PRKDC: variants seen among roughly 807,000 people sequenced by gnomAD.
PRKDC encodes protein kinase, DNA-activated, catalytic subunit, also known as DNA-dependent protein kinase catalytic subunit.
A neutral mutation model predicts 486.9 loss-of-function variants in PRKDC; 82 were observed. The observed-to-expected ratio is 0.17, with a 90% CI of 0.14 to 0.20. The LOEUF (loss-of-function observed/expected upper bound fraction) is 0.20, where lower values mean the gene tolerates loss of function less well. Among genes scored for constraint, PRKDC ranks in the 10% least tolerant of loss-of-function variants. The pLI is 1.00. For missense variants in PRKDC, 4,504 were observed against 5,038.2 expected (o/e 0.89, Z 3.21); for synonymous variants, 1,895 against 1,837.0 (o/e 1.03, Z -0.81).
Position 47,828,068 on chromosome 8 carries a change from G to A in PRKDC, c.8577+100C>T, listed in dbSNP as rs915118399. The stretch of plus-strand genomic sequence containing the variant: ...TACATCTTACTCTGTTAAACACCAG[G>A]TTATCAAGAGTCTCAACACGGGAAA... On this transcript the variant is annotated intron_variant, in intron 62 of 85. Coordinates refer to ENST00000314191, the MANE Select transcript of PRKDC (RefSeq NM_006904.7). The A allele has an allele frequency of 5.2e-6, 6 of 1,164,652 alleles. No homozygotes were observed. The African/African-American group carries it at 7.7e-5, about 15-fold the overall frequency. The allele number at this position is 1,164,652 out of a possible 1,614,324, so 72.1% of individuals were successfully genotyped here.
At chr8:47,807,467 G>A in intron 68 of PRKDC, 141 bp from the exon 69 acceptor site, 4 of 651,784 alleles carry the variant, frequency 6.1e-6, no homozygotes, top group Non-Finnish European at 7.1e-6. Context: ...TGCCCAGGCT[G>A]GAGTGCAGTG....
chr8:47,883,628 ACT>A (rs2089269209), intron 36 of PRKDC, among the ~76,000 whole-genome samples: 1 of 152,186 alleles, frequency 6.6e-6, no homozygotes, highest in African/African-American at 2.4e-5. Context: ...TGTGAGAGTT[ACT>A]CAAGTTTACC....
Position 47,929,118 on chromosome 8 carries a change from CA to C in PRKDC, c.2112del (p.Phe704LeufsTer5). ...SPEDPEKYSCFALFVKFGKEV... is the reference protein window; with the variant it reads ...SPEDPEKYSCXALFVKFGKEV... ...TCTTTGCCAAATTTCACAAATAAAG[CA>C]AAGCAAGAATACTTTTCTGGGTCTT... On this transcript the variant is annotated frameshift_variant, in exon 19 of 86. Coordinates refer to ENST00000314191, the MANE Select transcript of PRKDC (RefSeq NM_006904.7). LOFTEE classifies it high-confidence loss of function. 6.4e-7 allele frequency: 1 copy of C among 1,574,124 alleles called. No homozygotes were observed. The highest frequency in any genetic ancestry group is 8.6e-7 in the Non-Finnish European group (1 of 1,157,776).
intron 25 of PRKDC, among the ~76,000 whole-genome samples, chr8:47,908,494 T>C (rs2089834252): frequency 1.3e-5 from 2 of 152,160 alleles, no homozygotes; most frequent in Non-Finnish European, 2.9e-5. Flanking sequence ...ACAAACTTTA[T>C]AGAAAGACAC....
intron 1 of PRKDC, 131 bp from the exon 2 acceptor site, chr8:47,957,562 G>A (rs1323248801): frequency 1.7e-5 from 12 of 718,176 alleles, no homozygotes; most frequent in East Asian, 3.0e-5. Context: ...CCAGGCTGGA[G>A]TGCAGCGGCG....
At chr8:47,855,441 G>A (rs2088513509) in intron 49 of PRKDC, 68 bp from the exon 50 acceptor site, 12 of 1,425,268 alleles carry the variant, frequency 8.4e-6, no homozygotes, top group African/African-American at 1.5e-5. Context: ...TTTAACTCAA[G>A]TTCATTTATA....
Position 47,933,040 on chromosome 8 carries a change from G to T in PRKDC, c.1756C>A (p.Gln586Lys). Residue 586 changes from glutamine (Q) to lysine (K), a missense_variant, in exon 16 of 86, where the codon CAG becomes AAG. Coordinates refer to ENST00000314191, the MANE Select transcript of PRKDC (RefSeq NM_006904.7). ...CTAACCTCTTGTTCCCCAACAGTCT[G>T]TATTTCAAGTGTAAGATCCAATTTC... is the stretch of plus-strand genomic sequence containing the variant. ...VEKLDLTLEI[Q>K]TVGEQENGDE... 1 of 1,597,038 alleles carries T rather than the reference G, an allele frequency of 6.3e-7. No individual in the cohort carries two copies. The highest frequency in any genetic ancestry group is 8.5e-7 in the Non-Finnish European group (1 of 1,173,954).
chr8:47,929,776 A>T, intron 18 of PRKDC, 77 bp downstream of exon 18: 1 of 1,388,606 alleles, frequency 7.2e-7, no homozygotes, highest in South Asian at 1.5e-5. Flanking sequence ...GGCCACAATC[A>T]CATATTTTAT....
At position 47,877,855 on chromosome 8, in the gene PRKDC, GA is replaced by G; in HGVS notation, c.5236-5del. On this transcript the variant is annotated splice_region_variant and splice_polypyrimidine_tract_variant and intron_variant, in intron 39 of 85. Transcript: ENST00000314191. ...ATAATTCCAATGCATCTAGAAACTA[GA>G]AAAAATACATCAACATCATTAAAAT... 6.8e-7 allele frequency: 1 copy of G among 1,462,622 alleles called. No individual in the cohort carries two copies. The highest frequency in any genetic ancestry group is 9.1e-7 in the Non-Finnish European group (1 of 1,100,834). 90.6% of individuals were successfully genotyped at this position (1,462,622 alleles called of 1,614,324 possible). A position where few individuals can be genotyped will look rare whatever the true frequency, so the allele number is the denominator to read the frequency against.
At chr8:47,918,800 T>A (rs368427716) in intron 21 of PRKDC, among the ~76,000 whole-genome samples, 13 of 152,042 alleles carry the variant, frequency 8.6e-5, no homozygotes, top group East Asian at 5.8e-4. Context: ...CAGTAGAACA[T>A]CAACTAGGAT....
intron 25 of PRKDC, among the ~76,000 whole-genome samples, chr8:47,910,005 C>T (rs776768022): frequency 5.3e-5 from 8 of 152,126 alleles, no homozygotes; most frequent in Non-Finnish European, 1.2e-4. Context: ...TGACCTACTC[C>T]CAGTTCATAT....
intron 42 of PRKDC, 43 bp downstream of exon 42, chr8:47,863,356 C>T (rs1040463848): frequency 6.9e-7 from 1 of 1,452,970 alleles, no homozygotes; most frequent in African/African-American, 1.4e-5. Context: ...GTACCCAAAG[C>T]ATTGATAAAT....
At position 47,953,581 on chromosome 8, in the gene PRKDC, G is replaced by A. The variant is rs768730971; in HGVS notation, c.721+39C>T. 2.6e-6 allele frequency: 4 copies of A among 1,545,460 alleles called. No homozygotes were observed. The South Asian group carries it at 4.6e-5, about 18-fold the overall frequency. ...TCAGGCATTGCTGGTTAGACTTACA[G>A]TTTTTGAATAAAGAAAATCAAGTGA... On this transcript the variant is annotated intron_variant, in intron 7 of 85. Transcript: ENST00000314191.
Position 47,953,884 on chromosome 8 carries a change from C to G in PRKDC, c.544G>C (p.Gly182Arg). The G allele has an allele frequency of 6.4e-7, 1 of 1,561,052 alleles. No individual in the cohort carries two copies. Among genetic ancestry groups the G allele is most frequent in the Non-Finnish European group, 8.7e-7 (1 of 1,150,352 alleles). Reference sequence around the variant, plus strand: ...ATCATCTCACTAGGATGAACTTCACCCAATAATCCTAGGAGCTCATATACT... The same window carrying G: ...ATCATCTCACTAGGATGAACTTCACGCAATAATCCTAGGAGCTCATATACT... The part of the protein sequence containing the change: ...EKVYELLGLL[G>R]EVHPSEMINN... The change falls in exon 6 of 86, where the codon GGT (glycine) becomes CGT (arginine). Residue 182 changes from glycine (G) to arginine (R), a missense_variant. Gly to Arg is a moderately radical substitution (Grantham distance 125, BLOSUM62 -2). Around this residue, in one of 6 missense-constraint regions of PRKDC, gnomAD observed 1,969 missense variants for 2,068.9 expected, o/e 0.95. Transcript: ENST00000314191.
chr8:47,904,191 G>A (rs1324886676), intron 26 of PRKDC, among the ~76,000 whole-genome samples: 1 of 152,174 alleles, frequency 6.6e-6, no homozygotes, highest in African/African-American at 2.4e-5. Context: ...GTGAACTGCT[G>A]TTTCCAGGGC....
chr8:47,935,037 A>G lies in PRKDC; in HGVS notation c.1469T>C (p.Ile490Thr). The G allele has an allele frequency of 2.6e-6, 4 of 1,525,356 alleles. No homozygotes were observed. The highest frequency in any genetic ancestry group is 3.5e-6 in the Non-Finnish European group (4 of 1,128,540). 94.5% of individuals were successfully genotyped at this position (1,525,356 alleles called of 1,614,324 possible). The change falls in exon 14 of 86, where the codon ATA becomes ACA. Residue 490 changes from isoleucine to threonine, a missense_variant. By Grantham distance (89) the Ile-to-Thr change is moderately conservative. Around this residue, in one of 6 missense-constraint regions of PRKDC, gnomAD observed 1,969 missense variants for 2,068.9 expected, o/e 0.95. Coordinates refer to ENST00000314191, the MANE Select transcript of PRKDC (RefSeq NM_006904.7). ...TGGAAGGACCACTGGTTTAGAACATATTCTGATTAAACCCTGATGCACTGA... is the reference window on the plus strand; with the variant it reads ...TGGAAGGACCACTGGTTTAGAACATGTTCTGATTAAACCCTGATGCACTGA... ...STVVHQGLIR[I>T]CSKPVVLPKG...
At chr8:47,883,245 C>T (rs2154501570) in intron 36 of PRKDC, among the ~76,000 whole-genome samples, 1 of 152,354 alleles carries the variant, frequency 6.6e-6, no homozygotes, top group Non-Finnish European at 1.5e-5. Context: ...TGGTTCAAGT[C>T]TTGCAATGTC....
chr8:47,852,916 C>A, intron 51 of PRKDC, 132 bp from the exon 52 acceptor site: 1 of 654,952 alleles, frequency 1.5e-6, no homozygotes, highest in Non-Finnish European at 2.6e-6. Flanking sequence ...GAATGTGATG[C>A]AAATTCCATG....
chr8:47,777,397 C>A (rs1359437704), intron 84 of PRKDC, among the ~76,000 whole-genome samples: 3 of 152,014 alleles, frequency 2.0e-5, no homozygotes, highest in Non-Finnish European at 4.4e-5. Context: ...TTAGTAGAGA[C>A]AGGGTTTTAC....
Sources: gnomAD v4.1 joint callset for allele counts (sites outside exome capture counted in the v4.1 genomes callset) on GRCh38, gnomAD v4.1.1 for gene constraint, gnomAD v4.1.1 regional missense constraint, MANE v1.5 for transcripts, NCBI Gene and HGNC (gene_info 2026-07-23, HGNC 2026-07-21) for gene names.